Variants in PRRX1 observed in about 807,000 individuals in gnomAD.
The protein encoded by PRRX1 is paired mesoderm homeobox protein 1.
In PRRX1, 8 loss-of-function variants were observed where a neutral mutation model predicts 24.0. The observed-to-expected ratio is 0.33, with a 90% CI of 0.20 to 0.60. PRRX1 has a LOEUF of 0.60. PRRX1 is among the 20% of genes least tolerant of loss of function. The pLI, the probability that PRRX1 is intolerant of heterozygous loss-of-function variation, is 0.82. For synonymous variants in PRRX1, 160 were observed against 131.7 expected, an observed-to-expected ratio of 1.22 and a Z score of -1.47; for missense variants, 281 against 322.4, an observed-to-expected ratio of 0.87 and a Z score of 0.98.
At chr1:170,664,965 C>G (rs1431136217) in intron 1 of PRRX1, among the ~76,000 whole-genome samples, 2 of 152,232 alleles carry the variant, frequency 1.3e-5, no homozygotes, top group Non-Finnish European at 2.9e-5. Context: ...GCTGCTCAGG[C>G]TGCACTCTCC....
At chr1:170,696,205 G>T (rs1433952398) in intron 1 of PRRX1, among the ~76,000 whole-genome samples, 1 of 151,502 alleles carries the variant, frequency 6.6e-6, no homozygotes, top group Non-Finnish European at 1.5e-5. Context: ...AGGCATGCTT[G>T]TCTAGGTCTA....
chr1:170,731,208 G>A (rs895658050), intron 3 of PRRX1, among the ~76,000 whole-genome samples: 2 of 152,152 alleles, frequency 1.3e-5, no homozygotes, highest in Non-Finnish European at 2.9e-5. Context: ...ATCAGGTGAA[G>A]CAAGTATGCC....
At chr1:170,675,448 G>T (rs78910453) in intron 1 of PRRX1, among the ~76,000 whole-genome samples, 550 of 152,180 alleles carry the variant, frequency 3.6e-3, no homozygotes, top group Non-Finnish European at 5.1e-3. Flanking sequence ...CCTGAATCTT[G>T]AATTTTTAAA....
chr1:170,666,417 CAAAAAAAAAA>C (rs35075394), intron 1 of PRRX1, among the ~76,000 whole-genome samples: 1 of 75,946 alleles, frequency 1.3e-5, no homozygotes, highest in Non-Finnish European at 2.5e-5. Context: ...GACTCCGTCT[CAAAAAAAAAA>C]AAAAAAAAAA....
intron 1 of PRRX1, chr1:170,668,370 A>G (rs2101882671): frequency 6.6e-6 from 1 of 152,370 alleles, no homozygotes; most frequent in African/African-American, 2.4e-5. Flanking sequence ...AAATTAGCGA[A>G]ACCAGATTGT....
chr1:170,670,856 A>G (rs931400871), intron 1 of PRRX1, among the ~76,000 whole-genome samples: 3 of 152,168 alleles, frequency 2.0e-5, no homozygotes, highest in Non-Finnish European at 4.4e-5. Context: ...TCTGAGGACA[A>G]CCAGCATCTT....
intron 1 of PRRX1, among the ~76,000 whole-genome samples, chr1:170,713,920 T>C (rs200796887): frequency 1.3e-5 from 2 of 152,202 alleles, no homozygotes; most frequent in East Asian, 3.9e-4. Context: ...GTTGGGTATT[T>C]GTATTGGCAG....
chr1:170,688,384 T>A (rs942412999), intron 1 of PRRX1, among the ~76,000 whole-genome samples: 3 of 152,186 alleles, frequency 2.0e-5, no homozygotes, highest in Non-Finnish European at 4.4e-5. Flanking sequence ...ATTTAACCAA[T>A]CCATTTGAAA....
chr1:170,677,217 T>A (rs1296157556), intron 1 of PRRX1, among the ~76,000 whole-genome samples: 1 of 152,238 alleles, frequency 6.6e-6, no homozygotes, highest in Admixed American at 6.5e-5. Flanking sequence ...CATTCATTAA[T>A]ACTTGCCAAC....
rs79992494 is a variant in PRRX1, at chr1:170,675,824, G to A, written c.241+11365G>A. 2.9e-4 allele frequency among the ~76,000 whole-genome samples: 44 copies of A among 152,114 alleles called. No individual in the cohort carries two copies. In the East Asian group the frequency reaches 6.0e-3, roughly 21 times the overall value. The stretch of plus-strand genomic sequence containing the variant: ...GTATTAACAAGTGATATAAAATCCC[G>A]TAGAACAGAAATTTTAAATTATGAA... On this transcript the variant is annotated intron_variant, in intron 1 of 3. Coordinates refer to ENST00000239461, the MANE Select transcript of PRRX1 (RefSeq NM_022716.4).
rs569496096 is a variant in PRRX1 at position 170,680,507 on chromosome 1, G to A, written c.241+16048G>A. Reference sequence around the variant, plus strand: ...TGGTTTATGACATCACTGGAACCCCGTTGGTGGAATTACAACTTCATAATT... The same window carrying A: ...TGGTTTATGACATCACTGGAACCCCATTGGTGGAATTACAACTTCATAATT... On this transcript the variant is annotated intron_variant, in intron 1 of 3. Coordinates refer to ENST00000239461, the MANE Select transcript of PRRX1 (RefSeq NM_022716.4). 2.6e-5 allele frequency among the ~76,000 whole-genome samples: 4 copies of A among 152,266 alleles called. No individual in the cohort carries two copies. In the East Asian group the frequency reaches 5.8e-4, roughly 22 times the overall value.
At chr1:170,680,044 A>G (rs1053386707) in intron 1 of PRRX1, among the ~76,000 whole-genome samples, 30 of 152,336 alleles carry the variant, frequency 2.0e-4, no homozygotes, top group South Asian at 4.1e-4. Context: ...ACCTATCCAA[A>G]TGTATCATTT....
intron 1 of PRRX1, among the ~76,000 whole-genome samples, chr1:170,675,712 T>C (rs1233722247): frequency 3.3e-5 from 5 of 152,124 alleles, no homozygotes; most frequent in Non-Finnish European, 5.9e-5. Context: ...CATATTTTAT[T>C]ATTATGAAGT....
chr1:170,665,990 T>G (rs1281193129), intron 1 of PRRX1, among the ~76,000 whole-genome samples: 2 of 152,262 alleles, frequency 1.3e-5, no homozygotes, highest in Non-Finnish European at 2.9e-5. Context: ...ACGTTCTCTT[T>G]AGGGTTTGGG....
intron 1 of PRRX1, among the ~76,000 whole-genome samples, chr1:170,693,111 G>T (rs1654048205): frequency 6.6e-6 from 1 of 152,048 alleles, no homozygotes; most frequent in Non-Finnish European, 1.5e-5. Context: ...ACTGCAATGT[G>T]TGCTGTTAAT....
intron 1 of PRRX1, among the ~76,000 whole-genome samples, chr1:170,704,448 T>C (rs1312737536): frequency 6.6e-6 from 1 of 152,226 alleles, no homozygotes; most frequent in Non-Finnish European, 1.5e-5. Flanking sequence ...ACACTCCAAA[T>C]ATTCATCATA....
intron 3 of PRRX1, among the ~76,000 whole-genome samples, chr1:170,729,297 C>T (rs1167015209): frequency 6.6e-6 from 1 of 152,170 alleles, no homozygotes. Flanking sequence ...CTGAAGTCCA[C>T]ACTCTGTGGG....
chr1:170,698,849 G>A (rs1172286386), intron 1 of PRRX1, among the ~76,000 whole-genome samples: 2 of 152,136 alleles, frequency 1.3e-5, no homozygotes, highest in Admixed American at 1.3e-4. Flanking sequence ...TGAGAGGGGA[G>A]GAGGGTGGCT....
chr1:170,666,570 A>C (rs749450683), intron 1 of PRRX1, among the ~76,000 whole-genome samples: 86 of 152,050 alleles, frequency 5.7e-4, no homozygotes, highest in African/African-American at 1.9e-3. Context: ...CTGGACCCAC[A>C]ACAGAAAACA....
Sources: allele counts gnomAD v4.1 joint callset (sites outside exome capture counted in the v4.1 genomes callset), GRCh38; gene constraint gnomAD v4.1.1; transcripts MANE v1.5; gene names NCBI Gene and HGNC (gene_info 2026-07-23, HGNC 2026-07-21).